Variants in RCBTB2 observed in about 807,000 individuals in gnomAD.
RCBTB2 encodes RCC1 and BTB domain-containing protein 2.
A neutral mutation model predicts 65.4 loss-of-function variants in RCBTB2; 55 were observed. The observed-to-expected ratio is 0.84, with a 90% CI of 0.68 to 1.05. The LOEUF (loss-of-function observed/expected upper bound fraction) is 1.05. RCBTB2 is among the 50% of genes least tolerant of loss of function. RCBTB2 has a pLI of 0.00. For synonymous variants in RCBTB2, 220 were observed against 255.2 expected (o/e 0.86, Z 1.31); for missense variants, 599 against 680.1 (o/e 0.88, Z 1.33).
chr13:48,523,492 C>T (rs978980615), intron 2 of RCBTB2, among the ~76,000 whole-genome samples: 5 of 152,266 alleles, frequency 3.3e-5, no homozygotes, highest in South Asian at 2.1e-4. Flanking sequence ...TAAAACGCAA[C>T]GTATTCATAC....
Position 48,496,235 on chromosome 13 carries a change from TCTC to T in RCBTB2, c.1468_1470del (p.Glu490del), listed in dbSNP as rs766802417. On this transcript the variant is annotated inframe_deletion, in exon 14 of 15. Coordinates refer to ENST00000344532, the MANE Select transcript of RCBTB2 (RefSeq NM_001268.4). ...GCAGCCGAGAGCAGAGCGATGGCAT[TCTC>T]CTCGCAGATGCCTTGCTTGATAGTT... 6 of 1,590,166 alleles carry T rather than the reference TCTC, an allele frequency of 3.8e-6. No homozygotes were observed. Among genetic ancestry groups the T allele is most frequent in the South Asian group, 1.1e-5 (1 of 88,372 alleles).
intron 1 of RCBTB2, among the ~76,000 whole-genome samples, chr13:48,527,345 T>TATG (rs1398055794): frequency 8.1e-6 from 1 of 123,726 alleles, no homozygotes; most frequent in Non-Finnish European, 1.5e-5. Context: ...ATGATATATA[T>TATG]ATATATGATA....
intron 1 of RCBTB2, among the ~76,000 whole-genome samples, chr13:48,525,798 T>C (rs1951696592): frequency 6.6e-6 from 1 of 152,142 alleles, no homozygotes; most frequent in South Asian, 2.1e-4. Flanking sequence ...CAAAACAATG[T>C]TCACCAAAAT....
intron 14 of RCBTB2, among the ~76,000 whole-genome samples, chr13:48,493,315 A>ACACACACACACACACACACT (rs759504798): frequency 5.3e-5 from 4 of 75,028 alleles, no homozygotes; most frequent in African/African-American, 2.4e-4. Flanking sequence ...ACACACACAC[A>ACACACACACACACACACACT]CTCTCTCTCT....
At chr13:48,532,847 A>C (rs1333479405) in intron 1 of RCBTB2, 181 bp downstream of exon 1, 1 of 348,908 alleles carries the variant, frequency 2.9e-6, no homozygotes, top group Non-Finnish European at 5.7e-6. Flanking sequence ...CGCATGCGCG[A>C]CGACGCCTAG....
chr13:48,500,428 TG>T (rs1950183889), intron 12 of RCBTB2, among the ~76,000 whole-genome samples: 1 of 151,970 alleles, frequency 6.6e-6, no homozygotes, highest in Non-Finnish European at 1.5e-5. Context: ...CATGGTGGTG[TG>T]CGCCTGTAAT....
At chr13:48,502,408 G>A (rs1950277330) in intron 11 of RCBTB2, among the ~76,000 whole-genome samples, 1 of 151,856 alleles carries the variant, frequency 6.6e-6, no homozygotes, top group African/African-American at 2.4e-5. Flanking sequence ...CAAAAGGATC[G>A]CTTGAACCCA....
At position 48,489,898 on chromosome 13, in the gene RCBTB2, A is replaced by C. The variant is rs1043297946; in HGVS notation, c.*213T>G. On this transcript the variant is annotated 3_prime_UTR_variant, in exon 15 of 15. Transcript: ENST00000344532. Reference sequence around the variant, plus strand: ...AAGATATTTCAATTTTTTTTCCTTGACCTTAGTCACATCTGATCAGAACAT... The same window carrying C: ...AAGATATTTCAATTTTTTTTCCTTGCCCTTAGTCACATCTGATCAGAACAT... 5 of 584,436 alleles carry C rather than the reference A, an allele frequency of 8.6e-6. No individual in the cohort carries two copies. The highest frequency in any genetic ancestry group is 3.8e-5 in the African/African-American group (2 of 53,106). 36.2% of individuals were successfully genotyped at this position (584,436 alleles called of 1,614,324 possible).
intron 1 of RCBTB2, among the ~76,000 whole-genome samples, chr13:48,529,396 C>T (rs922291937): frequency 6.6e-6 from 1 of 152,100 alleles, no homozygotes; most frequent in Non-Finnish European, 1.5e-5. Flanking sequence ...GTATTATATA[C>T]ATACATACAC....
intron 10 of RCBTB2, among the ~76,000 whole-genome samples, chr13:48,505,006 G>C (rs1369978497): frequency 6.6e-6 from 1 of 151,742 alleles, no homozygotes; most frequent in Non-Finnish European, 1.5e-5. Flanking sequence ...ACAGTGGAGA[G>C]CTCAGGATTT....
intron 14 of RCBTB2, among the ~76,000 whole-genome samples, chr13:48,493,311 A>T (rs971741718): frequency 0.023 from 1,308 of 57,172 alleles, 12 homozygotes; most frequent in South Asian, 0.053. Flanking sequence ...ACACACACAC[A>T]CACACTCTCT....
intron 10 of RCBTB2, among the ~76,000 whole-genome samples, chr13:48,505,877 C>T (rs1205915388): frequency 6.6e-6 from 1 of 152,156 alleles, no homozygotes; most frequent in Non-Finnish European, 1.5e-5. Flanking sequence ...GGCTTCCTTC[C>T]GTGACTAAAA....
chr13:48,530,414 G>A (rs1158147612), intron 1 of RCBTB2, among the ~76,000 whole-genome samples: 1 of 152,190 alleles, frequency 6.6e-6, no homozygotes, highest in Non-Finnish European at 1.5e-5. Context: ...TAAAGGACAT[G>A]AGGGGAAACA....
chr13:48,495,231 A>C (rs1365216158), intron 14 of RCBTB2, among the ~76,000 whole-genome samples: 2 of 152,126 alleles, frequency 1.3e-5, no homozygotes, highest in Non-Finnish European at 2.9e-5. Flanking sequence ...ATACATGGTC[A>C]CTGTAAAAGT....
intron 14 of RCBTB2, chr13:48,492,305 C>T (rs889999814): frequency 6.6e-6 from 1 of 152,324 alleles, no homozygotes; most frequent in Non-Finnish European, 1.5e-5. Context: ...CACTAGATCC[C>T]ACTGCTCCAC....
At chr13:48,506,350 A>C (rs1950503406) in intron 10 of RCBTB2, among the ~76,000 whole-genome samples, 1 of 152,244 alleles carries the variant, frequency 6.6e-6, no homozygotes, top group African/African-American at 2.4e-5. Flanking sequence ...ACTGCTTTGT[A>C]AACAGGGCCA....
At chr13:48,531,054 CCTTT>C (rs1453171453) in intron 1 of RCBTB2, among the ~76,000 whole-genome samples, 2 of 152,154 alleles carry the variant, frequency 1.3e-5, no homozygotes, top group African/African-American at 2.4e-5. Flanking sequence ...CTCCCAATTC[CCTTT>C]CTCTGTTCTC....
chr13:48,502,284 G>A (rs1225272795), intron 11 of RCBTB2, among the ~76,000 whole-genome samples: 4 of 152,076 alleles, frequency 2.6e-5, no homozygotes, highest in Admixed American at 1.3e-4. Context: ...TGAGGCCCAC[G>A]GTTTAAGACC....
intron 10 of RCBTB2, 77 bp downstream of exon 10, chr13:48,510,552 A>C: frequency 4.9e-6 from 7 of 1,415,018 alleles, no homozygotes; most frequent in African/African-American, 1.4e-5. Flanking sequence ...ATTCCCCACC[A>C]TTCTCTATAT....
Sources: gnomAD v4.1 joint callset for allele counts (sites outside exome capture counted in the v4.1 genomes callset) on GRCh38, gnomAD v4.1.1 for gene constraint, MANE v1.5 for transcripts, NCBI Gene and HGNC (gene_info 2026-07-23, HGNC 2026-07-21) for gene names.